CFHR4: variants seen among roughly 807,000 people sequenced by gnomAD.
The protein encoded by CFHR4 is complement factor H related 4.
In CFHR4, 64 loss-of-function variants were observed where a neutral mutation model predicts 69.3. That is an observed-to-expected ratio of 0.92 (90% confidence interval 0.76 to 1.14). The LOEUF (loss-of-function observed/expected upper bound fraction) is 1.14. Ranked by LOEUF, CFHR4 falls within the 50% of genes most tolerant of loss-of-function variation. The probability of loss-of-function intolerance (pLI) is 0.00; values close to 1 mark genes in which losing one functional copy is unlikely to be tolerated. For missense variants in CFHR4, 636 were observed against 684.9 expected (o/e 0.93, Z 0.80); for synonymous variants, 244 against 237.0 (o/e 1.03, Z -0.27).
At chr1:196,917,908 A>G (rs1253914804) in intron 9 of CFHR4, among the ~76,000 whole-genome samples, 1 of 151,634 alleles carries the variant, frequency 6.6e-6, no homozygotes, top group Non-Finnish European at 1.5e-5. Flanking sequence ...CCTTTTTGAT[A>G]TGAAGTCACT....
At chr1:196,897,496 C>A (rs745605515) in intron 1 of CFHR4, among the ~76,000 whole-genome samples, 3 of 151,448 alleles carry the variant, frequency 2.0e-5, no homozygotes, top group Non-Finnish European at 4.4e-5. Flanking sequence ...AGAATTGGAT[C>A]ACATGCGGGC....
rs756832269 is a variant in CFHR4 at position 196,905,230 on chromosome 1, A to T, written c.379A>T (p.Asn127Tyr). ...CKPGYATAEGNSSGSITCLQN... is the reference protein window; with the variant it reads ...CKPGYATAEGYSSGSITCLQN... ...ACCAGGATATGCAACAGCAGAGGGA[A>T]ATTCTTCAGGATCAATTACATGTTT... Residue 127 changes from asparagine (N) to tyrosine (Y), a missense_variant, in exon 3 of 10, where the codon AAT becomes TAT. Transcript: ENST00000608469. The T allele has an allele frequency of 6.2e-7, 1 of 1,611,550 alleles. No homozygotes were observed. The highest frequency in any genetic ancestry group is 1.7e-5 in the Admixed American group (1 of 59,816).
chr1:196,903,481 T>C lies in CFHR4; in HGVS notation c.256+866T>C, dbSNP rs183912018. ...CAGCCTGGTCAACATGGTGAAACCC[T>C]GTCTCTACTAAAAATACAAAAATTA... On this transcript the variant is annotated intron_variant, in intron 2 of 9. Coordinates refer to ENST00000608469, the MANE Select transcript of CFHR4 (RefSeq NM_001201550.3). 8.4e-3 allele frequency among the ~76,000 whole-genome samples: 1,266 copies of C among 150,740 alleles called. 50 individuals carry two copies. The highest frequency in any genetic ancestry group is 0.03 in the African/African-American group (1,208 of 40,756).
In CFHR4 at chr1:196,905,188, A is replaced by C; in HGVS notation, c.337A>C (p.Thr113Pro). Residue 113 changes from threonine (T) to proline (P), a missense_variant, in exon 3 of 10, where the codon ACA (threonine) becomes CCA (proline). By Grantham distance (38) the Thr-to-Pro change is conservative. Around this residue, in one of 3 missense-constraint regions of CFHR4, gnomAD observed 529 missense variants for 533.2 expected, o/e 0.99. Transcript: ENST00000608469. ...SSSIYILNEE[T>P]QYNCKPGYAT... ...CTCTATTTATATTTTAAATGAAGAAACACAATATAATTGTAAACCAGGATA... is the reference window on the plus strand; with the variant it reads ...CTCTATTTATATTTTAAATGAAGAACCACAATATAATTGTAAACCAGGATA... The C allele has an allele frequency of 6.2e-7, 1 of 1,610,342 alleles. No individual in the cohort carries two copies. Among genetic ancestry groups the C allele is most frequent in the South Asian group, 1.1e-5 (1 of 90,400 alleles).
Position 196,914,558 on chromosome 1 carries a change from T to C in CFHR4, c.1244T>C (p.Leu415Pro). 6.2e-7 allele frequency: 1 copy of C among 1,611,442 alleles called. No homozygotes were observed. Among genetic ancestry groups the C allele is most frequent in the Non-Finnish European group, 8.5e-7 (1 of 1,178,958 alleles). The change falls in exon 8 of 10, where the codon CTC (leucine) becomes CCC (proline). Residue 415 changes from leucine to proline, a missense_variant. This residue lies in a region of CFHR4 where 529 missense variants were observed against 533.2 expected (regional missense o/e 0.99). Coordinates refer to ENST00000608469, the MANE Select transcript of CFHR4 (RefSeq NM_001201550.3). Reference protein sequence around the residue: ...RAKSNGMRFKLHDTLDYECYD... With the variant: ...RAKSNGMRFKPHDTLDYECYD... ...AAGAGTAATGGCATGCGGTTTAAGC[T>C]CCATGACACATTGGACTACGAATGC...
chr1:196,893,200 T>C (rs1657121897), intron 1 of CFHR4, among the ~76,000 whole-genome samples: 1 of 151,752 alleles, frequency 6.6e-6, no homozygotes, highest in Non-Finnish European at 1.5e-5. Flanking sequence ...AAAGAAATTG[T>C]AGCGTAAGAA....
At chr1:196,892,328 T>G (rs146672227) in intron 1 of CFHR4, among the ~76,000 whole-genome samples, 20 of 151,384 alleles carry the variant, frequency 1.3e-4, no homozygotes, top group Non-Finnish European at 2.5e-4. Flanking sequence ...GATCAGGAAA[T>G]TAGTTATGGT....
chr1:196,916,961 TC>T (rs1310953289), intron 9 of CFHR4, among the ~76,000 whole-genome samples: 1 of 151,542 alleles, frequency 6.6e-6, no homozygotes, highest in Non-Finnish European at 1.5e-5. Context: ...AGGAAAACTT[TC>T]CCAGGCAGCA....
At chr1:196,906,010 G>A (rs1657891216) in intron 3 of CFHR4, among the ~76,000 whole-genome samples, 2 of 151,286 alleles carry the variant, frequency 1.3e-5, no homozygotes, top group Non-Finnish European at 2.9e-5. Flanking sequence ...TTCCTCTTTA[G>A]GCATTCACCA....
intron 5 of CFHR4, among the ~76,000 whole-genome samples, chr1:196,908,081 T>C (rs1444195901): frequency 6.6e-6 from 1 of 151,310 alleles, no homozygotes. Flanking sequence ...CACCACATGT[T>C]CTCACTCAGA....
At chr1:196,899,862 A>G (rs1657501669) in intron 1 of CFHR4, among the ~76,000 whole-genome samples, 1 of 151,492 alleles carries the variant, frequency 6.6e-6, no homozygotes, top group Non-Finnish European at 1.5e-5. Flanking sequence ...GTTTTATTAA[A>G]TGTTTTACCT....
chr1:196,894,791 C>T (rs1385076530), intron 1 of CFHR4, among the ~76,000 whole-genome samples: 1 of 151,072 alleles, frequency 6.6e-6, no homozygotes, highest in Non-Finnish European at 1.5e-5. Context: ...GTGGCTCATT[C>T]CTGTAACGCC....
chr1:196,902,275 T>A (rs1317403628), intron 1 of CFHR4, 143 bp from the exon 2 acceptor site: 2 of 626,012 alleles, frequency 3.2e-6, no homozygotes, highest in African/African-American at 3.7e-5. Flanking sequence ...TCTAGGTCAT[T>A]GGATTTCTGT....
chr1:196,908,173 G>A (rs184066563), intron 5 of CFHR4, among the ~76,000 whole-genome samples: 22 of 151,438 alleles, frequency 1.5e-4, no homozygotes, highest in African/African-American at 5.1e-4. Context: ...TGGGGAGCTA[G>A]GGGAGGGATA....
chr1:196,910,042 C>T (rs187464658), intron 5 of CFHR4, among the ~76,000 whole-genome samples: 29 of 149,732 alleles, frequency 1.9e-4, no homozygotes, highest in East Asian at 5.9e-4. Context: ...GTGCCGGCCA[C>T]TCAGGAGACT....
chr1:196,915,439 C>T (rs1207242489), intron 9 of CFHR4, among the ~76,000 whole-genome samples: 1 of 151,306 alleles, frequency 6.6e-6, no homozygotes, highest in Non-Finnish European at 1.5e-5. Context: ...AGTTCGAGAT[C>T]AGCCTGACCA....
chr1:196,906,352 A>C (rs1338185357), intron 3 of CFHR4, among the ~76,000 whole-genome samples: 1 of 151,562 alleles, frequency 6.6e-6, no homozygotes, highest in African/African-American at 2.4e-5. Context: ...AAAGCTGTAC[A>C]CTTCAATCTG....
chr1:196,918,579 A>G lies in CFHR4; in HGVS notation c.*173A>G. On this transcript the variant is annotated 3_prime_UTR_variant, in exon 10 of 10. Transcript: ENST00000608469. ...TGTTCTCAAAAATATGTTAAAACAA[A>G]CTAAATTATTGCTTATGCTTGTACT... 1 of 656,458 alleles carries G rather than the reference A, an allele frequency of 1.5e-6. No individual in the cohort carries two copies. Among genetic ancestry groups the G allele is most frequent in the Non-Finnish European group, 2.6e-6 (1 of 390,968 alleles). 40.7% of individuals were successfully genotyped at this position (656,458 alleles called of 1,614,324 possible).
intron 1 of CFHR4, among the ~76,000 whole-genome samples, chr1:196,898,550 C>T (rs948083185): frequency 3.3e-5 from 5 of 151,596 alleles, no homozygotes; most frequent in Admixed American, 2.6e-4. Context: ...AGATATTTCT[C>T]TATTCTTCCA....
Sources: allele counts gnomAD v4.1 joint callset (sites outside exome capture counted in the v4.1 genomes callset), GRCh38; gene constraint gnomAD v4.1.1; regional missense constraint gnomAD v4.1.1; transcripts MANE v1.5; gene names NCBI Gene and HGNC (gene_info 2026-07-23, HGNC 2026-07-21).